LIMCH1: variants seen among roughly 807,000 people sequenced by gnomAD.
LIMCH1 encodes LIM and calponin homology domains-containing protein 1.
In LIMCH1, 113 loss-of-function variants were observed where a neutral mutation model predicts 176.5. The observed-to-expected ratio is 0.64, with a 90% CI of 0.55 to 0.75. The LOEUF is 0.75. LIMCH1 is among the 30% of genes least tolerant of loss of function. LIMCH1 has a pLI of 0.00. For missense variants in LIMCH1, 1,674 were observed against 1,814.9 expected (o/e 0.92, Z 1.41); for synonymous variants, 619 against 645.9 (o/e 0.96, Z 0.63).
chr4:41,565,391 A>G (rs1041482089), intron 1 of LIMCH1, among the ~76,000 whole-genome samples: 1 of 148,314 alleles, frequency 6.7e-6, no homozygotes, highest in Admixed American at 6.7e-5. Flanking sequence ...ACATACACAC[A>G]CACACAGACA....
upstream of LIMCH1, among the ~76,000 whole-genome samples, chr4:41,536,964 G>A (rs1314105273): frequency 6.6e-6 from 1 of 152,130 alleles, no homozygotes; most frequent in South Asian, 2.1e-4. Context: ...TAAGATGTAA[G>A]ACATGAGTTA....
rs1482400068 is a variant in LIMCH1 at position 41,697,563 on chromosome 4, T to G, written c.*378T>G. 3 of 201,814 alleles carry G rather than the reference T, an allele frequency of 1.5e-5. No individual in the cohort carries two copies. The highest frequency in any genetic ancestry group is 3.0e-5 in the Non-Finnish European group (3 of 100,524). The allele number at this position is 201,814 out of a possible 1,614,324, so 12.5% of individuals were successfully genotyped here. The stretch of plus-strand genomic sequence containing the variant: ...TTTAGAATGTCTAGGAATTAAACAC[T>G]TTATGTTTACAGAATTGAGCTGCAG... On this transcript the variant is annotated 3_prime_UTR_variant, in exon 32 of 32. Transcript: ENST00000503057.
At chr4:41,501,843 C>T (rs1334621690) in intron 2 of LIMCH1, among the ~76,000 whole-genome samples, 4 of 146,286 alleles carry the variant, frequency 2.7e-5, no homozygotes, top group Non-Finnish European at 4.5e-5. Flanking sequence ...ACTCTCATCT[C>T]CCGGTGTAGA....
chr4:41,544,635 G>T (rs186069607), intron 1 of LIMCH1, among the ~76,000 whole-genome samples: 1 of 152,180 alleles, frequency 6.6e-6, no homozygotes, highest in East Asian at 1.9e-4. Context: ...TCCAAGCAAG[G>T]CTGGGTGGTT....
At chr4:41,419,650 C>CTTCCTTCCTTCCTTCCTTCCTCCT (rs1554040025) in intron 1 of LIMCH1, among the ~76,000 whole-genome samples, 1 of 56,344 alleles carries the variant, frequency 1.8e-5, no homozygotes, top group African/African-American at 1.0e-4. Context: ...TCCTTTCTTC[C>CTTCCTTCCTTCCTTCCTTCCTCCT]TCCTTCCTTC....
At chr4:41,473,448 A>G (rs1285241157) in intron 1 of LIMCH1, among the ~76,000 whole-genome samples, 2 of 152,236 alleles carry the variant, frequency 1.3e-5, no homozygotes, top group African/African-American at 2.4e-5. Flanking sequence ...GTCAATCAGT[A>G]GTAAAATAGC....
chr4:41,408,535 C>T (rs1381656115), intron 1 of LIMCH1, among the ~76,000 whole-genome samples: 1 of 152,168 alleles, frequency 6.6e-6, no homozygotes, highest in Non-Finnish European at 1.5e-5. Flanking sequence ...TGCAGACCCT[C>T]AAAATATGCA....
chr4:41,493,827 GT>G (rs2071535515), intron 1 of LIMCH1, among the ~76,000 whole-genome samples: 1 of 152,200 alleles, frequency 6.6e-6, no homozygotes, highest in Admixed American at 6.5e-5. Context: ...TATCAATCCT[GT>G]GCTGTCAGAC....
intron 22 of LIMCH1, among the ~76,000 whole-genome samples, chr4:41,674,427 G>A (rs1291327329): frequency 6.6e-6 from 1 of 152,158 alleles, no homozygotes; most frequent in Non-Finnish European, 1.5e-5. Context: ...TCGAAGTTCT[G>A]GAACAATGAC....
chr4:41,667,750 G>A lies in LIMCH1; in HGVS notation c.3397+1084G>A, dbSNP rs139558539. 5.3e-5 allele frequency among the ~76,000 whole-genome samples: 8 copies of A among 152,250 alleles called. No homozygotes were observed. The East Asian group carries it at 1.5e-3, about 29-fold the overall frequency. ...GCCCTGAGGGATGTGAACAGTGGAG[G>A]ATGGGTTCTGAGAATTCCACAACCC... On this transcript the variant is annotated intron_variant, in intron 21 of 31. Coordinates refer to ENST00000503057, the MANE Select transcript of LIMCH1 (RefSeq NM_001330672.2).
intron 1 of LIMCH1, among the ~76,000 whole-genome samples, chr4:41,407,574 G>A (rs1185481134): frequency 6.6e-6 from 1 of 152,218 alleles, no homozygotes; most frequent in African/African-American, 2.4e-5. Context: ...GGAGGGACTG[G>A]TCCGTGTCCA....
chr4:41,634,418 A>T (rs187551370), intron 13 of LIMCH1, among the ~76,000 whole-genome samples: 27 of 152,336 alleles, frequency 1.8e-4, no homozygotes, highest in African/African-American at 6.5e-4. Context: ...AGAAGTGAGG[A>T]GGGCTTTGCA....
At chr4:41,448,887 C>G (rs866850317) in intron 1 of LIMCH1, among the ~76,000 whole-genome samples, 1 of 151,804 alleles carries the variant, frequency 6.6e-6, no homozygotes, top group Non-Finnish European at 1.5e-5. Flanking sequence ...CCCCAATTTA[C>G]GTAGATGGAA....
At chr4:41,648,907 T>G (rs1562078398) in intron 17 of LIMCH1, among the ~76,000 whole-genome samples, 1 of 150,482 alleles carries the variant, frequency 6.6e-6, no homozygotes, top group African/African-American at 2.5e-5. Context: ...TAAAAAAACA[T>G]AGTGTGTCAC....
chr4:41,452,192 T>C (rs7675471), intron 1 of LIMCH1, among the ~76,000 whole-genome samples: 68,003 of 152,200 alleles, frequency 0.45, 19,400 homozygotes, highest in African/African-American at 0.82. Flanking sequence ...TCTTCTCTCC[T>C]TTTTGAAGTT....
intron 1 of LIMCH1, among the ~76,000 whole-genome samples, chr4:41,459,166 C>A (rs2064994910): frequency 6.6e-6 from 1 of 152,072 alleles, no homozygotes; most frequent in Admixed American, 6.6e-5. Flanking sequence ...AGTTTCATGG[C>A]AGTAATTACA....
Position 41,661,470 on chromosome 4 carries a change from T to C in LIMCH1, c.3087T>C (p.Gly1029=). 2 of 1,612,612 alleles carry C rather than the reference T, an allele frequency of 1.2e-6. No individual in the cohort carries two copies. Among genetic ancestry groups the C allele is most frequent in the Non-Finnish European group, 1.7e-6 (2 of 1,179,506 alleles). The change falls in exon 19 of 32, where the codon GGT becomes GGC. Residue 1029 remains glycine (G), a synonymous_variant. Coordinates refer to ENST00000503057, the MANE Select transcript of LIMCH1 (RefSeq NM_001330672.2). ...ATAGTCAAGAGGACAAGAATGATGG[T>C]GGAAAATCAAGAAAAGGGAATATAG... ...EPNSQEDKND[G]GKSRKGNIEL...
chr4:41,605,803 C>A, intron 3 of LIMCH1, 91 bp from the exon 4 acceptor site: 1 of 702,588 alleles, frequency 1.4e-6, no homozygotes, highest in Non-Finnish European at 2.5e-6. Flanking sequence ...CTCTTTCCTT[C>A]CTGCCTTCCT....
chr4:41,547,863 G>GTATATATATATATATATATA (rs573342962), intron 1 of LIMCH1, among the ~76,000 whole-genome samples: 3 of 93,220 alleles, frequency 3.2e-5, no homozygotes, highest in African/African-American at 4.4e-5. Context: ...TTGTGTGTGT[G>GTATATATATATATATATATA]TATATATATA....
Sources: gnomAD v4.1 joint callset for allele counts (sites outside exome capture counted in the v4.1 genomes callset) on GRCh38, gnomAD v4.1.1 for gene constraint, MANE v1.5 for transcripts, NCBI Gene and HGNC (gene_info 2026-07-23, HGNC 2026-07-21) for gene names.